Variants in WDR64 observed in about 807,000 individuals in gnomAD.
WDR64 encodes WD repeat-containing protein 64.
WDR64 carries 112 observed loss-of-function variants against 139.3 expected under a neutral mutation model. That is an observed-to-expected ratio of 0.80 (90% CI 0.69 to 0.94). The LOEUF (loss-of-function observed/expected upper bound fraction) is 0.94. Ranked by LOEUF, WDR64 falls within the 40% of genes least tolerant of loss-of-function variation. WDR64 has a pLI of 0.00. For missense variants in WDR64, 1,206 were observed against 1,293.1 expected, an observed-to-expected ratio of 0.93 and a Z score of 1.03; for synonymous variants, 444 against 437.7, an observed-to-expected ratio of 1.01 and a Z score of -0.18.
At chr1:241,741,709 A>G (rs1321446524) in intron 12 of WDR64, 45 bp downstream of exon 12, 3 of 1,518,780 alleles carry the variant, frequency 2.0e-6, no homozygotes, top group East Asian at 2.3e-5. Flanking sequence ...GGCAATGCAG[A>G]TATAATTTTC....
chr1:241,801,391 T>C lies in WDR64; in HGVS notation c.*176T>C. 1.9e-6 allele frequency: 1 copy of C among 523,108 alleles called. No individual in the cohort carries two copies. The highest frequency in any genetic ancestry group is 3.3e-6 in the Non-Finnish European group (1 of 298,806). 32.4% of individuals were successfully genotyped at this position (523,108 alleles called of 1,614,324 possible). ...GAGTTCTGGTGACCTTAACTCTGAA[T>C]ACCAAGCAAGCAGCAAGCAGCCAGA... On this transcript the variant is annotated 3_prime_UTR_variant, in exon 28 of 28. Transcript: ENST00000437684.
At chr1:241,670,031 T>C (rs1340550035) in intron 2 of WDR64, among the ~76,000 whole-genome samples, 1 of 152,216 alleles carries the variant, frequency 6.6e-6, no homozygotes, top group Non-Finnish European at 1.5e-5. Flanking sequence ...AATACTGATA[T>C]ACTAATTATA....
chr1:241,659,942 T>C (rs1175960099), intron 1 of WDR64, among the ~76,000 whole-genome samples: 2 of 152,230 alleles, frequency 1.3e-5, no homozygotes, highest in Non-Finnish European at 2.9e-5. Context: ...TTTGCTTTTG[T>C]TGCAATTGCT....
rs1191859318 is a variant in WDR64, at chr1:241,769,498, T to C, written c.2176T>C (p.Cys726Arg). The C allele has an allele frequency of 6.4e-7, 1 of 1,551,222 alleles. No homozygotes were observed. Among genetic ancestry groups the C allele is most frequent in the Non-Finnish European group, 8.7e-7 (1 of 1,146,758 alleles). Residue 726 changes from cysteine (C) to arginine (R), a missense_variant, in exon 17 of 28, where the codon TGT becomes CGT. By Grantham distance (180) the Cys-to-Arg change is radical. Transcript: ENST00000437684. The part of the protein sequence containing the change: ...DILFLFRTPE[C>R]ARRSSQDSIC... Reference sequence around the variant, plus strand: ...ACTGTTCCTCTTTCGTACCCCTGAATGTGCAAGGTAACTCGTTACTTACTG... The same window carrying C: ...ACTGTTCCTCTTTCGTACCCCTGAACGTGCAAGGTAACTCGTTACTTACTG...
At chr1:241,735,491 T>G (rs1045890592) in intron 10 of WDR64, among the ~76,000 whole-genome samples, 1 of 151,532 alleles carries the variant, frequency 6.6e-6, no homozygotes, top group African/African-American at 2.4e-5. Context: ...AAAAGTATAG[T>G]CTCCTTTTAA....
intron 20 of WDR64, among the ~76,000 whole-genome samples, chr1:241,773,936 C>G (rs1345931414): frequency 6.6e-6 from 1 of 152,094 alleles, no homozygotes; most frequent in Non-Finnish European, 1.5e-5. Flanking sequence ...GTTGAGTATA[C>G]AATAAATTGT....
Position 241,801,209 on chromosome 1 carries a change from CA to C in WDR64, c.3272del (p.Lys1091SerfsTer19), listed in dbSNP as rs1558530557. On this transcript the variant is annotated frameshift_variant, in exon 28 of 28. Transcript: ENST00000437684. LOFTEE classifies it high-confidence loss of function. ...CTTCTTCCTTCTTCCCAGCTATACC[CA>C]AGTAAGGAGAAAAAATCAGAAATGG... ...LASSFFPAIPK is the reference protein window; with the variant it reads ...LASSFFPAIPX The C allele has an allele frequency of 1.3e-5, 21 of 1,612,822 alleles. No homozygotes were observed. The highest frequency in any genetic ancestry group is 1.6e-5 in the Non-Finnish European group (19 of 1,179,318).
intron 2 of WDR64, among the ~76,000 whole-genome samples, chr1:241,662,461 G>A (rs1445088583): frequency 6.6e-6 from 1 of 152,162 alleles, no homozygotes; most frequent in East Asian, 1.9e-4. Context: ...CCTAGAAGCT[G>A]CCTGCAGCCC....
At chr1:241,660,463 T>G in intron 1 of WDR64, 67 bp from the exon 2 acceptor site, 2 of 1,506,734 alleles carry the variant, frequency 1.3e-6, no homozygotes, top group Non-Finnish European at 1.8e-6. Context: ...AAATAAAAAA[T>G]GTAGCTGAAA....
At chr1:241,748,304 G>A (rs1403320086) in intron 13 of WDR64, among the ~76,000 whole-genome samples, 4 of 152,206 alleles carry the variant, frequency 2.6e-5, no homozygotes, top group South Asian at 2.1e-4. Flanking sequence ...AGGACTGGGG[G>A]TTTTTCAACA....
intron 9 of WDR64, 124 bp from the exon 10 acceptor site, chr1:241,723,172 AT>A: frequency 7.9e-7 from 1 of 1,261,006 alleles, no homozygotes; most frequent in Non-Finnish European, 1.1e-6. Flanking sequence ...AGAATAATGC[AT>A]CCTGCCAGAA....
intron 21 of WDR64, among the ~76,000 whole-genome samples, chr1:241,779,738 A>G (rs982177870): frequency 5.3e-5 from 8 of 152,008 alleles, no homozygotes; most frequent in Non-Finnish European, 1.0e-4. Context: ...GCTGAGGCAG[A>G]AGAATTGCTT....
At chr1:241,696,397 C>T (rs1340887943) in intron 8 of WDR64, among the ~76,000 whole-genome samples, 2 of 151,752 alleles carry the variant, frequency 1.3e-5, no homozygotes, top group African/African-American at 2.4e-5. Context: ...AATTTGGGGG[C>T]GAGTCCATAG....
rs1665600374 is a variant in WDR64 at position 241,656,480 on chromosome 1, G to T, written c.145+3851G>T. On this transcript the variant is annotated intron_variant, in intron 1 of 27. Transcript: ENST00000437684. The surrounding 1 kb of genome is among the most constrained non-coding windows in gnomAD (Gnocchi z 4.3). ...TGAAACTCATATCTTGTAGCAGTTG[G>T]TGTAAATAAATATAAAACAGCTAAG... Among the ~76,000 whole-genome samples the T allele has an allele frequency of 6.6e-6, 1 of 152,166 alleles. No homozygotes were observed. The highest frequency in any genetic ancestry group is 2.4e-5 in the African/African-American group (1 of 41,434).
intron 10 of WDR64, among the ~76,000 whole-genome samples, chr1:241,732,991 C>T (rs1246577593): frequency 6.6e-6 from 1 of 152,174 alleles, no homozygotes; most frequent in Non-Finnish European, 1.5e-5. Flanking sequence ...CAAACTTCTT[C>T]TACTTCATCA....
intron 22 of WDR64, among the ~76,000 whole-genome samples, chr1:241,781,957 C>A (rs1224345694): frequency 2.6e-5 from 4 of 152,126 alleles, no homozygotes; most frequent in East Asian, 1.9e-4. Flanking sequence ...GAGAAAGAAA[C>A]CTTGGATGAC....
chr1:241,751,303 T>A (rs1669972690), intron 14 of WDR64, among the ~76,000 whole-genome samples: 1 of 152,140 alleles, frequency 6.6e-6, no homozygotes, highest in Admixed American at 6.5e-5. Context: ...ACAAGCTTTA[T>A]AATAAATTTC....
chr1:241,760,759 A>ATTTTTTT (rs71174847), intron 15 of WDR64, among the ~76,000 whole-genome samples: 21 of 87,070 alleles, frequency 2.4e-4, no homozygotes, highest in African/African-American at 3.5e-4. Flanking sequence ...GTGGGTTTCC[A>ATTTTTTT]TTTTTTTTTT....
At chr1:241,734,332 CCT>C (rs1669210669) in intron 10 of WDR64, among the ~76,000 whole-genome samples, 1 of 152,050 alleles carries the variant, frequency 6.6e-6, no homozygotes. Context: ...GTGAGGACCC[CCT>C]GAGTGAGGCT....
Sources: gnomAD v4.1 joint callset for allele counts (sites outside exome capture counted in the v4.1 genomes callset) on GRCh38, gnomAD v4.1.1 for gene constraint, Gnocchi (gnomAD v3.1) non-coding constraint, MANE v1.5 for transcripts, NCBI Gene and HGNC (gene_info 2026-07-23, HGNC 2026-07-21) for gene names.